The following HEY2 variants were observed in gnomAD, a reference collection of about 807,000 sequenced individuals.
HEY2 encodes the protein hairy/enhancer-of-split related with YRPW motif protein 2.
In HEY2, 10 loss-of-function variants were observed where a neutral mutation model predicts 18.1. The observed-to-expected ratio is 0.55, with a 90% CI of 0.34 to 0.94. The LOEUF (loss-of-function observed/expected upper bound fraction) is 0.94. Ranked by LOEUF, HEY2 falls within the 40% of genes least tolerant of loss-of-function variation. HEY2 has a pLI of 0.02. For missense variants in HEY2, 455 were observed against 455.9 expected, an observed-to-expected ratio of 1.00 and a Z score of 0.02; for synonymous variants, 210 against 182.7, an observed-to-expected ratio of 1.15 and a Z score of -1.21.
At chr6:125,756,491 C>G (rs927914542) in intron 4 of HEY2, among the ~76,000 whole-genome samples, 1 of 152,000 alleles carries the variant, frequency 6.6e-6, no homozygotes, top group Admixed American at 6.6e-5. Context: ...TGCTTGAACC[C>G]GGGAGGCAGA....
intron 1 of HEY2, 46 bp from the exon 2 acceptor site, chr6:125,751,755 A>G (rs1482042880): frequency 7.9e-7 from 1 of 1,270,630 alleles, no homozygotes; most frequent in Non-Finnish European, 1.1e-6. Flanking sequence ...AGAAGAAACT[A>G]TTGTTATGTT....
intron 3 of HEY2, 80 bp from the exon 4 acceptor site, chr6:125,754,385 A>T: frequency 2.7e-6 from 2 of 728,868 alleles, no homozygotes; most frequent in Non-Finnish European, 4.2e-6. Context: ...TTGAAGCCAT[A>T]ATGCTAAATT....
At chr6:125,755,125 A>C (rs1217472019) in intron 4 of HEY2, among the ~76,000 whole-genome samples, 1 of 152,182 alleles carries the variant, frequency 6.6e-6, no homozygotes, top group Non-Finnish European at 1.5e-5. Context: ...TCTACACCAG[A>C]AGCCATTAAT....
rs1403086177 is a variant in HEY2, at chr6:125,759,411, C to T, written c.623C>T (p.Thr208Ile). ...QPNGLHASES[T>I]PCRLSTTSEV... ...AACGGCCTCCATGCCTCAGAGTCAA[C>T]CCCTTGTCGCCTCTCCACAACTTCA... Residue 208 changes from threonine (T) to isoleucine (I), a missense_variant, in exon 5 of 5, where the codon ACC (threonine) becomes ATC (isoleucine). Physicochemically the swap from Thr to Ile is moderately conservative, Grantham distance 89. Transcript: ENST00000368364. 2.5e-6 allele frequency: 4 copies of T among 1,611,188 alleles called. No individual in the cohort carries two copies. The highest frequency in any genetic ancestry group is 2.2e-5 in the East Asian group (1 of 44,860).
rs1184794935 is a variant in HEY2 at position 125,759,593 on chromosome 6, G to A, written c.805G>A (p.Ala269Thr). 5 of 1,610,296 alleles carry A rather than the reference G, an allele frequency of 3.1e-6. No homozygotes were observed. The highest frequency in any genetic ancestry group is 1.7e-5 in the Admixed American group (1 of 60,002). The change falls in exon 5 of 5, where the codon GCA becomes ACA. Residue 269 changes from alanine (A) to threonine (T), a missense_variant. Transcript: ENST00000368364. ...SLSATVHAAA[A>T]AATAAAHSFP... ...CTCTGCCACCGTCCACGCCGCAGCC[G>A]CAGCAGCCACCGCGGCTGCACACAG...
rs142572788 is a variant in HEY2 at position 125,755,568 on chromosome 6, G to C, written c.328+1022G>C. On this transcript the variant is annotated intron_variant, in intron 4 of 4. Transcript: ENST00000368364. ...GGCAGGACATTGGAGGGAAGCAACT[G>C]TTACCAATATTTAACTCCTGTATGG... is the stretch of plus-strand genomic sequence containing the variant. Among the ~76,000 whole-genome samples, 750 of 152,206 alleles carry C rather than the reference G, an allele frequency of 4.9e-3. 3 individuals are homozygous for C. Among genetic ancestry groups the C allele is most frequent in the African/African-American group, 0.017 (698 of 41,534 alleles).
chr6:125,758,237 A>C (rs1281232947), intron 4 of HEY2, among the ~76,000 whole-genome samples: 2 of 152,240 alleles, frequency 1.3e-5, no homozygotes, highest in Non-Finnish European at 2.9e-5. Flanking sequence ...ACAGAGACTC[A>C]GATAAATGTG....
chr6:125,752,951 A>G (rs1261634660), intron 3 of HEY2, among the ~76,000 whole-genome samples: 1 of 152,224 alleles, frequency 6.6e-6, no homozygotes, highest in Admixed American at 6.5e-5. Context: ...ATTATAAAAC[A>G]AGCCCTACAA....
Position 125,749,999 on chromosome 6 carries a change from G to C in HEY2, c.83+140G>C, listed in dbSNP as rs1773508123. 1.3e-5 allele frequency: 10 copies of C among 795,836 alleles called. No individual in the cohort carries two copies. The South Asian group carries it at 1.4e-4, about 11-fold the overall frequency. The allele number at this position is 795,836 out of a possible 1,614,324, so 49.3% of individuals were successfully genotyped here. A position where few individuals can be genotyped will look rare whatever the true frequency, so the allele number is the denominator to read the frequency against. ...GAAAGTTTGGCCTGAGAAAGTTTGA[G>C]TGGTGGGCGCTCGCAGAGCGTGAGT... On this transcript the variant is annotated intron_variant, in intron 1 of 4. Coordinates refer to ENST00000368364, the MANE Select transcript of HEY2 (RefSeq NM_012259.3).
chr6:125,754,567 T>TC (rs764634389), intron 4 of HEY2, 21 bp downstream of exon 4: 65 of 1,349,028 alleles, frequency 4.8e-5, no homozygotes, highest in South Asian at 1.3e-4. Flanking sequence ...GACTTCATTT[T>TC]TTTTTTTTTT....
chr6:125,753,088 C>T (rs1463367586), intron 3 of HEY2, among the ~76,000 whole-genome samples: 1 of 152,130 alleles, frequency 6.6e-6, no homozygotes, highest in East Asian at 1.9e-4. Context: ...ACTGATTATA[C>T]ATTTTTAAGA....
chr6:125,754,168 G>A (rs1660959552), intron 3 of HEY2, among the ~76,000 whole-genome samples: 1 of 152,236 alleles, frequency 6.6e-6, no homozygotes, highest in Admixed American at 6.5e-5. Context: ...TTTTACAACT[G>A]AAATCATTTT....
rs1198822715 is a variant in HEY2, at chr6:125,759,719, G to A, written c.931G>A (p.Ala311Thr). 1 of 1,613,374 alleles carries A rather than the reference G, an allele frequency of 6.2e-7. No homozygotes were observed. The highest frequency in any genetic ancestry group is 8.5e-7 in the Non-Finnish European group (1 of 1,180,038). Residue 311 changes from alanine to threonine, a missense_variant, in exon 5 of 5, where the codon GCC (alanine) becomes ACC (threonine). Coordinates refer to ENST00000368364, the MANE Select transcript of HEY2 (RefSeq NM_012259.3). ...CATCAGCCCGCCCTTGTCAGTATCAGCCACGTCCAGTCCTCAGCAGACCAG... is the reference window on the plus strand; with the variant it reads ...CATCAGCCCGCCCTTGTCAGTATCAACCACGTCCAGTCCTCAGCAGACCAG... ...TAISPPLSVS[A>T]TSSPQQTSSG...
chr6:125,750,575 T>C (rs985767683), intron 1 of HEY2, among the ~76,000 whole-genome samples: 1 of 152,242 alleles, frequency 6.6e-6, no homozygotes, highest in African/African-American at 2.4e-5. Flanking sequence ...TAATTATTTA[T>C]CTGCAGCTGT....
chr6:125,752,140 A>G (rs1773558243), intron 3 of HEY2, 50 bp downstream of exon 3: 3 of 785,364 alleles, frequency 3.8e-6, no homozygotes, highest in East Asian at 5.4e-5. Context: ...CCACCCCCCA[A>G]AAAAAAGCTC....
At chr6:125,752,796 A>C (rs1014688273) in intron 3 of HEY2, among the ~76,000 whole-genome samples, 1 of 152,258 alleles carries the variant, frequency 6.6e-6, no homozygotes, top group African/African-American at 2.4e-5. Context: ...CCCCTGCCGC[A>C]GTGGTTAATG....
At chr6:125,752,352 G>A (rs181601319) in intron 3 of HEY2, among the ~76,000 whole-genome samples, 33 of 142,916 alleles carry the variant, frequency 2.3e-4, no homozygotes, top group African/African-American at 8.0e-4. Flanking sequence ...GGGTAACAGT[G>A]TTCATGCTTT....
Position 125,749,724 on chromosome 6 carries a change from C to T in HEY2, c.-53C>T, listed in dbSNP as rs1007489089. 1.3e-5 allele frequency: 18 copies of T among 1,435,828 alleles called. No homozygotes were observed. The African/African-American group carries it at 1.3e-4, about 10-fold the overall frequency. 88.9% of individuals were successfully genotyped at this position (1,435,828 alleles called of 1,614,324 possible). A position where few individuals can be genotyped will look rare whatever the true frequency, so the allele number is the denominator to read the frequency against. ...AGGCGGGCGTCAGGGTGCTGCGCCCCGCTCGGCGTCCGAGCTTCCGGCCGG... is the reference window on the plus strand; with the variant it reads ...AGGCGGGCGTCAGGGTGCTGCGCCCTGCTCGGCGTCCGAGCTTCCGGCCGG... On this transcript the variant is annotated 5_prime_UTR_variant, in exon 1 of 5. Transcript: ENST00000368364.
intron 1 of HEY2, among the ~76,000 whole-genome samples, chr6:125,751,351 G>A (rs534353368): frequency 1.3e-5 from 2 of 152,256 alleles, no homozygotes; most frequent in South Asian, 2.1e-4. Context: ...GACGTATGAC[G>A]ACTGCACATC....
Sources: gnomAD v4.1 joint callset for allele counts (sites outside exome capture counted in the v4.1 genomes callset) on GRCh38, gnomAD v4.1.1 for gene constraint, MANE v1.5 for transcripts, NCBI Gene and HGNC (gene_info 2026-07-23, HGNC 2026-07-21) for gene names.